Variants in FBXL7 observed in about 807,000 individuals in gnomAD.
FBXL7 encodes the protein F-box/LRR-repeat protein 7.
FBXL7 carries 12 observed loss-of-function variants against 38.3 expected under a neutral mutation model. That is an observed-to-expected ratio of 0.31 (90% CI 0.20 to 0.51). The LOEUF (loss-of-function observed/expected upper bound fraction) is 0.51, where lower values mean the gene tolerates loss of function less well. Among genes scored for constraint, FBXL7 ranks in the 20% least tolerant of loss-of-function variants. The pLI is 0.98. For synonymous variants in FBXL7, 297 were observed against 300.9 expected, an observed-to-expected ratio of 0.99 and a Z score of 0.13; for missense variants, 567 against 676.4, an observed-to-expected ratio of 0.84 and a Z score of 1.79.
chr5:15,689,214 T>G (rs563183145), intron 2 of FBXL7, among the ~76,000 whole-genome samples: 2 of 151,842 alleles, frequency 1.3e-5, no homozygotes, highest in Non-Finnish European at 2.9e-5. Context: ...CCAACTCTTT[T>G]CTCTGTTCTA....
intron 2 of FBXL7, among the ~76,000 whole-genome samples, chr5:15,926,460 C>A (rs1741879122): frequency 6.8e-6 from 1 of 147,474 alleles, no homozygotes; most frequent in African/African-American, 2.5e-5. Context: ...GGTAATAATA[C>A]CATGTATATG....
intron 2 of FBXL7, among the ~76,000 whole-genome samples, chr5:15,683,713 A>G (rs1230296488): frequency 1.3e-5 from 2 of 152,178 alleles, no homozygotes; most frequent in African/African-American, 4.8e-5. Context: ...TAAGTAGTTT[A>G]GACCTTGGAA....
chr5:15,566,962 C>G (rs1738593955), intron 1 of FBXL7, among the ~76,000 whole-genome samples: 1 of 152,100 alleles, frequency 6.6e-6, no homozygotes, highest in South Asian at 2.1e-4. Flanking sequence ...ACACAGGATT[C>G]TTTCAATGGG....
chr5:15,624,652 G>A (rs1027916377), intron 2 of FBXL7, among the ~76,000 whole-genome samples: 2 of 152,098 alleles, frequency 1.3e-5, no homozygotes, highest in Non-Finnish European at 2.9e-5. Flanking sequence ...CATCATTTTC[G>A]AGCTGTTGTT....
intron 2 of FBXL7, among the ~76,000 whole-genome samples, chr5:15,683,351 T>C (rs1359828032): frequency 6.6e-6 from 1 of 152,172 alleles, no homozygotes; most frequent in Non-Finnish European, 1.5e-5. Flanking sequence ...GGCTGGACTG[T>C]ATGAGGGCTG....
At chr5:15,890,816 A>G (rs964808751) in intron 2 of FBXL7, among the ~76,000 whole-genome samples, 3 of 152,210 alleles carry the variant, frequency 2.0e-5, no homozygotes, top group Non-Finnish European at 2.9e-5. Context: ...ACCTTTTAAC[A>G]TGTAAACTCA....
At chr5:15,653,651 G>A (rs1741779555) in intron 2 of FBXL7, among the ~76,000 whole-genome samples, 1 of 152,150 alleles carries the variant, frequency 6.6e-6, no homozygotes, top group South Asian at 2.1e-4. Flanking sequence ...CTTTTGAGGA[G>A]CATGATAAAA....
chr5:15,825,714 C>T (rs1738292573), intron 2 of FBXL7, among the ~76,000 whole-genome samples: 1 of 152,152 alleles, frequency 6.6e-6, no homozygotes, highest in Admixed American at 6.5e-5. Flanking sequence ...CATCTGTTCC[C>T]TGGATACTAT....
chr5:15,920,570 G>T (rs1741713755), intron 2 of FBXL7, among the ~76,000 whole-genome samples: 1 of 151,960 alleles, frequency 6.6e-6, no homozygotes, highest in East Asian at 1.9e-4. Context: ...ACCCACACTG[G>T]AGTGCAGTGG....
chr5:15,539,941 T>A (rs1406598942), intron 1 of FBXL7, among the ~76,000 whole-genome samples: 1 of 152,202 alleles, frequency 6.6e-6, no homozygotes, highest in African/African-American at 2.4e-5. Context: ...TTTCTCATTA[T>A]TTTATGATAA....
At chr5:15,533,953 CTTT>C (rs1276540323) in intron 1 of FBXL7, among the ~76,000 whole-genome samples, 2 of 152,010 alleles carry the variant, frequency 1.3e-5, no homozygotes, top group Non-Finnish European at 2.9e-5. Context: ...TTTTTTCCCC[CTTT>C]TTTGTCTCTT....
In FBXL7 at chr5:15,674,893, T is replaced by C. The variant is rs1417266167; in HGVS notation, c.127+58821T>C. On this transcript the variant is annotated intron_variant, in intron 2 of 3. Coordinates refer to ENST00000504595, the MANE Select transcript of FBXL7 (RefSeq NM_012304.5). ...ACTCACAGCATTTCTTCCAGCTAGA[T>C]CATTAAGATTCCAGGACTGACCTCA... 2.6e-5 allele frequency among the ~76,000 whole-genome samples: 4 copies of C among 152,162 alleles called. 1 individual carries two copies. The South Asian group carries it at 8.3e-4, about 32-fold the overall frequency.
In FBXL7 at chr5:15,704,744, A is replaced by T. The variant is rs75978806; in HGVS notation, c.127+88672A>T. 3.5e-3 allele frequency among the ~76,000 whole-genome samples: 534 copies of T among 152,300 alleles called. 4 individuals carry two copies. Among genetic ancestry groups the T allele is most frequent in the African/African-American group, 0.012 (511 of 41,576 alleles). The stretch of plus-strand genomic sequence containing the variant: ...ATTTGACAATGCAGCATACTAAACT[A>T]CTTAAAATACTTTGTGAGTGAAATC... On this transcript the variant is annotated intron_variant, in intron 2 of 3. Transcript: ENST00000504595.
intron 2 of FBXL7, among the ~76,000 whole-genome samples, chr5:15,778,181 T>G (rs371916089): frequency 2.0e-5 from 3 of 152,220 alleles, no homozygotes; most frequent in East Asian, 3.9e-4. Context: ...TTCTCTATAA[T>G]AAGGTATCAT....
At chr5:15,746,830 G>C (rs528430149) in intron 2 of FBXL7, among the ~76,000 whole-genome samples, 1 of 151,856 alleles carries the variant, frequency 6.6e-6, no homozygotes, top group Admixed American at 6.6e-5. Flanking sequence ...ATAAATCTAA[G>C]GGAAAACAAA....
At chr5:15,750,073 C>T (rs1373218619) in intron 2 of FBXL7, among the ~76,000 whole-genome samples, 2 of 152,098 alleles carry the variant, frequency 1.3e-5, no homozygotes, top group African/African-American at 4.8e-5. Flanking sequence ...GATTCTGTTT[C>T]GTTTTTATTT....
chr5:15,899,329 G>A (rs534608921), intron 2 of FBXL7, among the ~76,000 whole-genome samples: 1 of 152,300 alleles, frequency 6.6e-6, no homozygotes, highest in East Asian at 1.9e-4. Context: ...GCCTCCCAAT[G>A]TGCTGGGATT....
chr5:15,768,603 A>G (rs1453655160), intron 2 of FBXL7, among the ~76,000 whole-genome samples: 1 of 152,212 alleles, frequency 6.6e-6, no homozygotes, highest in African/African-American at 2.4e-5. Flanking sequence ...AATTTAGTAC[A>G]GAACCACCAG....
intron 2 of FBXL7, among the ~76,000 whole-genome samples, chr5:15,801,630 A>G (rs1737566084): frequency 7.3e-6 from 1 of 136,490 alleles, no homozygotes; most frequent in Non-Finnish European, 1.5e-5. Context: ...TTGAAGGGGG[A>G]GTCAGTGTGT....
Sources: allele counts gnomAD v4.1 joint callset (sites outside exome capture counted in the v4.1 genomes callset), GRCh38; gene constraint gnomAD v4.1.1; transcripts MANE v1.5; gene names NCBI Gene and HGNC (gene_info 2026-07-23, HGNC 2026-07-21).